The following FNBP1 variants were observed in gnomAD, a reference collection of about 807,000 sequenced individuals.
FNBP1 encodes the protein formin binding protein 1.
FNBP1 carries 26 observed loss-of-function variants against 90.6 expected under a neutral mutation model. The observed-to-expected ratio is 0.29, with a 90% CI of 0.21 to 0.40. FNBP1 has a LOEUF of 0.40. FNBP1 is among the 10% of genes least tolerant of loss of function. The probability of loss-of-function intolerance (pLI) is 1.00; values close to 1 mark genes in which losing one functional copy is unlikely to be tolerated. For missense variants in FNBP1, 635 were observed against 768.0 expected (o/e 0.83, Z 2.05); for synonymous variants, 260 against 265.2 (o/e 0.98, Z 0.19).
rs758733709 is a variant in FNBP1, at chr9:129,925,070, G to A, written c.877C>T (p.Arg293Cys). Residue 293 changes from arginine (R) to cysteine (C), a missense_variant, in exon 9 of 17, where the codon CGC (arginine) becomes TGC (cysteine). Physicochemically the swap from Arg to Cys is radical, Grantham distance 180 (BLOSUM62 -3). Transcript: ENST00000446176. The part of the protein sequence containing the change: ...EFEDYTQPMK[R>C]TVSDNSLSNS... Reference sequence around the variant, plus strand: ...GAAAGGCTGTTATCTGACACAGTGCGCTTCATTGGCTGAGTGTAATCCTCA... The same window carrying A: ...GAAAGGCTGTTATCTGACACAGTGCACTTCATTGGCTGAGTGTAATCCTCA... 9.9e-5 allele frequency: 160 copies of A among 1,613,602 alleles called. No individual in the cohort carries two copies. The highest frequency in any genetic ancestry group is 1.0e-4 in the Non-Finnish European group (122 of 1,179,696).
intron 6 of FNBP1, among the ~76,000 whole-genome samples, chr9:129,953,550 T>C (rs1430113269): frequency 6.6e-6 from 1 of 152,022 alleles, no homozygotes; most frequent in Non-Finnish European, 1.5e-5. Flanking sequence ...AAATATGTCA[T>C]ACATTTGGAA....
intron 8 of FNBP1, among the ~76,000 whole-genome samples, chr9:129,926,458 A>G (rs1021097877): frequency 6.6e-5 from 10 of 152,166 alleles, no homozygotes; most frequent in African/African-American, 2.4e-4. Flanking sequence ...CAATGTGTGG[A>G]GACATTTTTG....
chr9:129,953,727 G>C (rs2046509773), intron 6 of FNBP1, among the ~76,000 whole-genome samples: 1 of 150,852 alleles, frequency 6.6e-6, no homozygotes, highest in Non-Finnish European at 1.5e-5. Context: ...GTTTATAATG[G>C]AGAAGAAGAA....
At chr9:129,913,319 C>T (rs1168231851) in intron 11 of FNBP1, among the ~76,000 whole-genome samples, 1 of 152,156 alleles carries the variant, frequency 6.6e-6, no homozygotes, top group Non-Finnish European at 1.5e-5. Context: ...AGAAATCTAT[C>T]AGTAAAACAC....
chr9:129,947,449 A>T (rs1397436525), intron 6 of FNBP1, among the ~76,000 whole-genome samples: 4 of 148,426 alleles, frequency 2.7e-5, no homozygotes, highest in African/African-American at 9.7e-5. Flanking sequence ...TCAAAAAAAA[A>T]AAAGAAAAGA....
At chr9:129,994,411 G>A (rs2053674321) in intron 2 of FNBP1, among the ~76,000 whole-genome samples, 1 of 151,950 alleles carries the variant, frequency 6.6e-6, no homozygotes. Context: ...GCTGGGGGGA[G>A]AGTGGGGAGC....
chr9:129,891,470 A>G (rs911251092), intron 16 of FNBP1, among the ~76,000 whole-genome samples: 2 of 152,198 alleles, frequency 1.3e-5, no homozygotes, highest in Non-Finnish European at 2.9e-5. Context: ...AACTCCAGAA[A>G]AAAAAGAAAA....
At chr9:129,943,084 G>A (rs1398759215) in intron 6 of FNBP1, among the ~76,000 whole-genome samples, 4 of 152,154 alleles carry the variant, frequency 2.6e-5, no homozygotes, top group South Asian at 2.1e-4. Flanking sequence ...GCAGGTCAAC[G>A]TCGGCAACAT....
In FNBP1 at chr9:129,892,414, C is replaced by CACACACACACACAA. The variant is rs762912634; in HGVS notation, c.1847-1869_1847-1868insTTGTGTGTGTGTGT. Among the ~76,000 whole-genome samples the CACACACACACACAA allele has an allele frequency of 3.2e-3, 397 of 125,296 alleles. 10 individuals are homozygous for CACACACACACACAA. The highest frequency in any genetic ancestry group is 0.027 in the East Asian group (124 of 4,520). The allele number at this position is 125,296 out of a possible 152,430, so 82.2% of individuals were successfully genotyped here. A position where few individuals can be genotyped will look rare whatever the true frequency, so the allele number is the denominator to read the frequency against. Reference sequence around the variant, plus strand: ...ACACACACACACACACACACACACACACAAAAAGGTTGACCGGCATTATAA... The same window carrying CACACACACACACAA: ...ACACACACACACACACACACACACACACACACACACACAAACAAAAAGGTTGACCGGCATTATAA... On this transcript the variant is annotated intron_variant, in intron 16 of 16. Transcript: ENST00000446176.
chr9:129,962,910 G>A (rs1284418275), intron 4 of FNBP1, among the ~76,000 whole-genome samples: 2 of 152,106 alleles, frequency 1.3e-5, no homozygotes, highest in African/African-American at 4.8e-5. Flanking sequence ...AGAGACCAGA[G>A]CGTCAATTTC....
intron 13 of FNBP1, 109 bp downstream of exon 13, chr9:129,902,760 C>CAA: frequency 5.5e-6 from 6 of 1,082,670 alleles, no homozygotes; most frequent in Non-Finnish European, 7.9e-6. Context: ...CCTGCCATTC[C>CAA]CACTGTGTAC....
At chr9:129,938,895 A>T (rs573998858) in intron 6 of FNBP1, among the ~76,000 whole-genome samples, 1 of 152,262 alleles carries the variant, frequency 6.6e-6, no homozygotes, top group African/African-American at 2.4e-5. Flanking sequence ...GGTTTCCAAG[A>T]CTTGGCCCCC....
intron 4 of FNBP1, among the ~76,000 whole-genome samples, chr9:129,970,208 T>A (rs2049239996): frequency 6.8e-6 from 1 of 147,968 alleles, no homozygotes; most frequent in South Asian, 2.1e-4. Context: ...CCTGGCCTTT[T>A]ATTTTATTAT....
rs765640062 is a variant in FNBP1 at position 129,924,949 on chromosome 9, A to G, written c.987+11T>C. ...ACCTTAGAAAACTCATTTCACGCCA[A>G]CCATCAGTACCTTATTTTTTTTGAT... is the stretch of plus-strand genomic sequence containing the variant. On this transcript the variant is annotated intron_variant, in intron 9 of 16. Transcript: ENST00000446176. 1 of 1,603,220 alleles carries G rather than the reference A, an allele frequency of 6.2e-7. No homozygotes were observed. Among genetic ancestry groups the G allele is most frequent in the Non-Finnish European group, 8.5e-7 (1 of 1,174,216 alleles).
chr9:129,955,278 G>A (rs1178892688), intron 6 of FNBP1, among the ~76,000 whole-genome samples: 1 of 151,764 alleles, frequency 6.6e-6, no homozygotes, highest in Admixed American at 6.6e-5. Flanking sequence ...CTGTCATCCA[G>A]GCTGGAGTGC....
At chr9:129,972,385 C>T (rs914283666) in intron 4 of FNBP1, among the ~76,000 whole-genome samples, 2 of 152,060 alleles carry the variant, frequency 1.3e-5, no homozygotes, top group African/African-American at 2.4e-5. Context: ...CCACTCGCCT[C>T]GGCCTCCCAG....
chr9:129,992,954 C>T (rs1299104726), intron 2 of FNBP1, among the ~76,000 whole-genome samples: 4 of 149,248 alleles, frequency 2.7e-5, no homozygotes, highest in Admixed American at 6.6e-5. Context: ...GGGCTGGGCA[C>T]GGTGGCTCAC....
intron 13 of FNBP1, 66 bp downstream of exon 13, chr9:129,902,803 C>T: frequency 6.4e-7 from 1 of 1,553,328 alleles, no homozygotes. Flanking sequence ...GGCCCCACAC[C>T]ATTCTACACC....
chr9:129,897,789 G>A (rs1223203033), intron 15 of FNBP1, among the ~76,000 whole-genome samples: 3 of 151,796 alleles, frequency 2.0e-5, no homozygotes, highest in Non-Finnish European at 4.4e-5. Context: ...GCAGGACATC[G>A]TTTCAAGGTT....
Sources: allele counts gnomAD v4.1 joint callset (sites outside exome capture counted in the v4.1 genomes callset), GRCh38; gene constraint gnomAD v4.1.1; transcripts MANE v1.5; gene names NCBI Gene and HGNC (gene_info 2026-07-23, HGNC 2026-07-21).